Variants in CILK1 observed in about 807,000 individuals in gnomAD.
The protein encoded by CILK1 is serine/threonine-protein kinase ICK.
Under a neutral mutation model 79.2 loss-of-function variants are expected in CILK1, and 47 were observed. That is an observed-to-expected ratio of 0.59 (90% CI 0.47 to 0.76). The LOEUF is 0.76. Among genes scored for constraint, CILK1 ranks in the 30% least tolerant of loss-of-function variants. The probability of loss-of-function intolerance (pLI) is 0.00; values close to 1 mark genes in which losing one functional copy is unlikely to be tolerated. For missense variants in CILK1, 660 were observed against 769.5 expected, an observed-to-expected ratio of 0.86 and a Z score of 1.68; for synonymous variants, 266 against 275.9, an observed-to-expected ratio of 0.96 and a Z score of 0.36.
chr6:53,056,711 C>T (rs1359143382), intron 1 of CILK1, among the ~76,000 whole-genome samples: 1 of 152,210 alleles, frequency 6.6e-6, no homozygotes, highest in African/African-American at 2.4e-5. Flanking sequence ...TCCCAGAGAA[C>T]TGGCATAGTT....
At chr6:53,007,902 T>C (rs1337963771) in intron 12 of CILK1, among the ~76,000 whole-genome samples, 1 of 151,876 alleles carries the variant, frequency 6.6e-6, no homozygotes, top group African/African-American at 2.4e-5. Flanking sequence ...ATCATGCCAC[T>C]GCACTCCAGC....
intron 12 of CILK1, 126 bp downstream of exon 12, chr6:53,009,313 G>C: frequency 2.2e-6 from 2 of 908,100 alleles, no homozygotes; most frequent in South Asian, 2.6e-5. Context: ...CTGGAAAAGA[G>C]GCCTGAGCTT....
At chr6:53,059,733 A>G (rs1479539037) in intron 1 of CILK1, among the ~76,000 whole-genome samples, 2 of 152,248 alleles carry the variant, frequency 1.3e-5, no homozygotes, top group Non-Finnish European at 2.9e-5. Flanking sequence ...AGTCAGGCAT[A>G]TTATTTTAGA....
chr6:53,046,765 T>A (rs942887990), intron 1 of CILK1, among the ~76,000 whole-genome samples: 4 of 152,092 alleles, frequency 2.6e-5, no homozygotes, highest in Non-Finnish European at 2.9e-5. Flanking sequence ...AAGGCTAGGG[T>A]CTCTCCTTTA....
intron 2 of CILK1, 38 bp from the exon 3 acceptor site, chr6:53,038,031 T>C: frequency 1.5e-6 from 2 of 1,367,252 alleles, no homozygotes; most frequent in Non-Finnish European, 2.1e-6. Context: ...ACACTTATTC[T>C]CAGTAATAGG....
chr6:53,044,138 G>T (rs1437294086), intron 1 of CILK1, among the ~76,000 whole-genome samples: 2 of 152,096 alleles, frequency 1.3e-5, no homozygotes, highest in East Asian at 1.9e-4. Context: ...TAAAGCAGGG[G>T]TCCCCAAACC....
At position 53,009,486 on chromosome 6, in the gene CILK1, G is replaced by T; in HGVS notation, c.1574C>A (p.Ser525Tyr). Residue 525 changes from serine to tyrosine, a missense_variant, in exon 12 of 14, where the codon TCT (serine) becomes TAT (tyrosine). Ser to Tyr is a moderately radical substitution (Grantham distance 144). Transcript: ENST00000676107. Reference sequence around the variant, plus strand: ...TGACATTGTCCCTGAAGATTTTCCAGACAAGCCAGAACTAGACCATGGATT... The same window carrying T: ...TGACATTGTCCCTGAAGATTTTCCATACAAGCCAGAACTAGACCATGGATT... Reference protein sequence around the residue: ...PPNPWSSSGLSGKSSGTMSVI... With the variant: ...PPNPWSSSGLYGKSSGTMSVI... The T allele has an allele frequency of 6.2e-7, 1 of 1,613,778 alleles. No homozygotes were observed. The highest frequency in any genetic ancestry group is 8.5e-7 in the Non-Finnish European group (1 of 1,179,652).
Position 53,011,889 on chromosome 6 carries a change from A to G in CILK1, c.1372T>C (p.Ser458Pro), listed in dbSNP as rs746599087. The G allele has an allele frequency of 6.2e-7, 1 of 1,614,166 alleles. No individual in the cohort carries two copies. The highest frequency in any genetic ancestry group is 1.7e-5 in the Admixed American group (1 of 60,026). ...RFESVLDLKP[S>P]EPVGTGNSAP... Reference sequence around the variant, plus strand: ...CTGTTTCCTGTGCCCACAGGCTCAGAGGGCTTCAGGTCCAAAACACTCTCA... The same window carrying G: ...CTGTTTCCTGTGCCCACAGGCTCAGGGGGCTTCAGGTCCAAAACACTCTCA... Residue 458 changes from serine to proline, a missense_variant, in exon 11 of 14, where the codon TCT (serine) becomes CCT (proline). Physicochemically the swap from Ser to Pro is moderately conservative, Grantham distance 74. Transcript: ENST00000676107.
rs561765544 is a variant in CILK1, at chr6:53,013,819, C to T, written c.995G>A (p.Arg332Gln). ...GGCTTGATGCTGTCGTGAAGAAATTCGTGTGTGTGGCTTGGCTGGTGGCTG... is the reference window on the plus strand; with the variant it reads ...GGCTTGATGCTGTCGTGAAGAAATTTGTGTGTGTGGCTTGGCTGGTGGCTG... ...PAQPPAKPHT[R>Q]ISSRQHQASQ... Residue 332 changes from arginine to glutamine, a missense_variant, in exon 9 of 14, where the codon CGA (arginine) becomes CAA (glutamine). Transcript: ENST00000676107. 1.7e-5 allele frequency: 28 copies of T among 1,613,776 alleles called. No homozygotes were observed. Among genetic ancestry groups the T allele is most frequent in the South Asian group, 1.1e-4 (10 of 91,068 alleles).
chr6:53,003,728 A>C lies in CILK1; in HGVS notation c.*1421T>G, dbSNP rs1318255796. On this transcript the variant is annotated 3_prime_UTR_variant, in exon 14 of 14. Coordinates refer to ENST00000676107, the MANE Select transcript of CILK1 (RefSeq NM_014920.5). ...CAGAGTGAGACTCTGTCTCAAAAAA[A>C]AAATAAAAAATAAAAGATTACTTAC... 1 of 152,378 alleles carries C rather than the reference A, an allele frequency of 6.6e-6. No homozygotes were observed. Among genetic ancestry groups the C allele is most frequent in the African/African-American group, 2.4e-5 (1 of 41,436 alleles). 9.4% of individuals were successfully genotyped at this position (152,378 alleles called of 1,614,324 possible). A position where few individuals can be genotyped will look rare whatever the true frequency, so the allele number is the denominator to read the frequency against.
chr6:53,008,706 A>G (rs1764385925), intron 12 of CILK1, among the ~76,000 whole-genome samples: 1 of 152,226 alleles, frequency 6.6e-6, no homozygotes, highest in African/African-American at 2.4e-5. Context: ...TGCTGGGATT[A>G]CAGGCATGAG....
intron 11 of CILK1, among the ~76,000 whole-genome samples, chr6:53,010,359 T>C (rs984888077): frequency 6.6e-6 from 1 of 152,174 alleles, no homozygotes; most frequent in Non-Finnish European, 1.5e-5. Flanking sequence ...CATTCCTCCC[T>C]TCTGACTCCA....
chr6:53,031,840 C>CT lies in CILK1; in HGVS notation c.278+692dup, dbSNP rs377621129. ...GAGCTTCTTTGGATGAATAACTCTTCTTTTTTTTTTGAGATGGAGTTTCGC... is the reference window on the plus strand; with the variant it reads ...GAGCTTCTTTGGATGAATAACTCTTCTTTTTTTTTTTGAGATGGAGTTTCGC... On this transcript the variant is annotated intron_variant, in intron 4 of 13. Coordinates refer to ENST00000676107, the MANE Select transcript of CILK1 (RefSeq NM_014920.5). Among the ~76,000 whole-genome samples, 408 of 149,244 alleles carry CT rather than the reference C, an allele frequency of 2.7e-3. 2 individuals carry two copies. Among genetic ancestry groups the CT allele is most frequent in the African/African-American group, 8.9e-3 (364 of 40,858 alleles).
intron 5 of CILK1, among the ~76,000 whole-genome samples, chr6:53,026,441 G>A (rs571186054): frequency 7.9e-5 from 12 of 152,246 alleles, no homozygotes; most frequent in South Asian, 2.1e-4. Flanking sequence ...GAGCCACTGC[G>A]CCCAGCCTAT....
At position 53,003,888 on chromosome 6, in the gene CILK1, T is replaced by C. The variant is rs887860859; in HGVS notation, c.*1261A>G. 3.3e-5 allele frequency: 5 copies of C among 152,634 alleles called. No homozygotes were observed. Among genetic ancestry groups the C allele is most frequent in the African/African-American group, 1.2e-4 (5 of 41,444 alleles). 9.5% of individuals were successfully genotyped at this position (152,634 alleles called of 1,614,324 possible). ...TTCCCTCTTGCCTTTAAGGCAACCA[T>C]AAGTGAGGCAAATGTACCATATAGA... On this transcript the variant is annotated 3_prime_UTR_variant, in exon 14 of 14. Coordinates refer to ENST00000676107, the MANE Select transcript of CILK1 (RefSeq NM_014920.5).
chr6:53,044,010 G>T (rs1766890501), intron 1 of CILK1, among the ~76,000 whole-genome samples: 1 of 152,106 alleles, frequency 6.6e-6, no homozygotes, highest in South Asian at 2.1e-4. Context: ...GAAATTAGGG[G>T]GTGGGAAAGG....
rs1767403183 is a variant in CILK1, at chr6:53,050,450, C to T, written c.-172-9042G>A. Among the ~76,000 whole-genome samples the T allele has an allele frequency of 2.0e-5, 3 of 151,230 alleles. No individual in the cohort carries two copies. In the South Asian group the frequency reaches 6.2e-4, roughly 31 times the overall value. ...GTGTGTGTGTGTATATATATATACACATTTCACATACATATAATATTCATA... is the reference window on the plus strand; with the variant it reads ...GTGTGTGTGTGTATATATATATACATATTTCACATACATATAATATTCATA... On this transcript the variant is annotated intron_variant, in intron 1 of 13. Coordinates refer to ENST00000676107, the MANE Select transcript of CILK1 (RefSeq NM_014920.5).
At chr6:53,059,960 C>T (rs548031272) in intron 1 of CILK1, among the ~76,000 whole-genome samples, 16 of 152,096 alleles carry the variant, frequency 1.1e-4, no homozygotes, top group Admixed American at 5.2e-4. Flanking sequence ...AGAGTGAGGA[C>T]TAGATTAGAA....
chr6:53,016,080 A>G lies in CILK1; in HGVS notation c.831+3T>C, dbSNP rs746416984. ...ACGTTATAACAAGAAAATGGAAGAAAACCTGACTAGCTGTTGGTCGTTTCT... is the reference window on the plus strand; with the variant it reads ...ACGTTATAACAAGAAAATGGAAGAAGACCTGACTAGCTGTTGGTCGTTTCT... On this transcript the variant is annotated splice_donor_region_variant and intron_variant, in intron 8 of 13. Coordinates refer to ENST00000676107, the MANE Select transcript of CILK1 (RefSeq NM_014920.5). 6.2e-7 allele frequency: 1 copy of G among 1,613,964 alleles called. No homozygotes were observed. Among genetic ancestry groups the G allele is most frequent in the Non-Finnish European group, 8.5e-7 (1 of 1,179,810 alleles).
Sources: gnomAD v4.1 joint callset for allele counts (sites outside exome capture counted in the v4.1 genomes callset) on GRCh38, gnomAD v4.1.1 for gene constraint, MANE v1.5 for transcripts, NCBI Gene and HGNC (gene_info 2026-07-23, HGNC 2026-07-21) for gene names.